Variants in LRRFIP1 observed in about 807,000 individuals in gnomAD.
The protein encoded by LRRFIP1 is LRR binding FLII interacting protein 1.
Under a neutral mutation model 104.4 loss-of-function variants are expected in LRRFIP1, and 62 were observed. The ratio of observed to expected loss-of-function variants is 0.59; its 90% CI spans 0.48 to 0.73. LRRFIP1 has a LOEUF of 0.73. Ranked by LOEUF, LRRFIP1 falls within the 30% of genes least tolerant of loss-of-function variation. The pLI is 0.00. For missense variants in LRRFIP1, 796 were observed against 824.5 expected (o/e 0.97, Z 0.42); for synonymous variants, 300 against 299.0 (o/e 1.00, Z -0.03).
chr2:237,738,418 C>A (rs1292997398), intron 10 of LRRFIP1, among the ~76,000 whole-genome samples: 3 of 152,176 alleles, frequency 2.0e-5, no homozygotes, highest in Admixed American at 1.3e-4. Context: ...AATGGAGGGG[C>A]CTTCAGCAGT....
At chr2:237,733,932 A>G in intron 9 of LRRFIP1, 114 bp downstream of exon 9, 1 of 1,125,816 alleles carries the variant, frequency 8.9e-7, no homozygotes, top group Middle Eastern at 2.1e-4. Flanking sequence ...GGGAAGTTGC[A>G]CCTTCACGTG....
intron 1 of LRRFIP1, among the ~76,000 whole-genome samples, chr2:237,700,263 C>T (rs75627395): frequency 1.3e-5 from 2 of 152,116 alleles, no homozygotes; most frequent in Admixed American, 1.3e-4. Flanking sequence ...CCTGGGTACA[C>T]CACGGCCCCT....
chr2:237,759,956 A>G, intron 18 of LRRFIP1, 108 bp from the exon 19 acceptor site: 2 of 948,412 alleles, frequency 2.1e-6, no homozygotes, highest in Non-Finnish European at 3.2e-6. Flanking sequence ...CTGTGGAGTT[A>G]CCCTGTACTT....
In LRRFIP1 at chr2:237,711,578, G is replaced by A. The variant is rs189410167; in HGVS notation, c.184-2681G>A. 6.6e-6 allele frequency among the ~76,000 whole-genome samples: 1 copy of A among 152,310 alleles called. No homozygotes were observed. Among genetic ancestry groups the A allele is most frequent in the African/African-American group, 2.4e-5 (1 of 41,576 alleles). On this transcript the variant is annotated intron_variant, in intron 2 of 23. Coordinates refer to ENST00000308482, the MANE Select transcript of LRRFIP1 (RefSeq NM_001137550.2). The surrounding 1 kb of genome is among the most constrained non-coding windows in gnomAD (Gnocchi z 4.4). The stretch of plus-strand genomic sequence containing the variant: ...CCGATGCCTGCACTTCTTCCCTCAC[G>A]ACCGTGGCTTGCGGCTGTGACACAG...
At chr2:237,718,759 T>C (rs1024359843) in intron 4 of LRRFIP1, among the ~76,000 whole-genome samples, 1 of 152,194 alleles carries the variant, frequency 6.6e-6, no homozygotes, top group Non-Finnish European at 1.5e-5. Flanking sequence ...TCTTACGTAC[T>C]GGGTATAAAA....
At chr2:237,733,860 C>G (rs1212617551) in intron 9 of LRRFIP1, 42 bp downstream of exon 9, 1 of 1,608,486 alleles carries the variant, frequency 6.2e-7, no homozygotes, top group African/African-American at 1.3e-5. Context: ...CCCCCTCCCA[C>G]TGTGCATGCA....
intron 1 of LRRFIP1, among the ~76,000 whole-genome samples, chr2:237,680,434 C>T (rs1328475157): frequency 3.9e-5 from 6 of 152,214 alleles, no homozygotes; most frequent in Non-Finnish European, 4.4e-5. Flanking sequence ...AGTCTAACAA[C>T]TATTTACATA....
At chr2:237,638,360 G>A (rs1252065689) in intron 1 of LRRFIP1, among the ~76,000 whole-genome samples, 2 of 152,186 alleles carry the variant, frequency 1.3e-5, no homozygotes, top group Non-Finnish European at 2.9e-5. Flanking sequence ...ACAAGAGGTG[G>A]AGCTCAAGTG....
chr2:237,714,606 G>A (rs576921210), intron 3 of LRRFIP1, among the ~76,000 whole-genome samples: 1 of 152,302 alleles, frequency 6.6e-6, no homozygotes, highest in Admixed American at 6.5e-5. Context: ...CTGAAATTAT[G>A]TATGGAAAGA....
chr2:237,771,551 T>TCCCCCCCCCCCCCCCC (rs772060776), intron 20 of LRRFIP1, among the ~76,000 whole-genome samples: 4 of 50,010 alleles, frequency 8.0e-5, no homozygotes, highest in Admixed American at 3.6e-4. Flanking sequence ...CTGGAACCAA[T>TCCCCCCCCCCCCCCCC]CCCCCCCCCC....
At chr2:237,632,353 G>A (rs933332253) in intron 1 of LRRFIP1, among the ~76,000 whole-genome samples, 2 of 152,160 alleles carry the variant, frequency 1.3e-5, no homozygotes, top group African/African-American at 4.8e-5. Flanking sequence ...TTCCTGCTCC[G>A]GAGCTCTCTG....
chr2:237,629,491 T>TA (rs1239019528), intron 1 of LRRFIP1, among the ~76,000 whole-genome samples: 2 of 119,418 alleles, frequency 1.7e-5, no homozygotes, highest in Non-Finnish European at 3.5e-5. Flanking sequence ...TTTTTTTTTT[T>TA]AACACAGTCT....
At chr2:237,657,315 C>T (rs1263821890) in intron 1 of LRRFIP1, among the ~76,000 whole-genome samples, 1 of 152,104 alleles carries the variant, frequency 6.6e-6, no homozygotes, top group Non-Finnish European at 1.5e-5. Context: ...AAGAGGAAAA[C>T]CTAAATAAAT....
chr2:237,692,578 CT>C, intron 1 of LRRFIP1: 1 of 1,457,154 alleles, frequency 6.9e-7, no homozygotes, highest in Non-Finnish European at 9.2e-7. Flanking sequence ...GTTTCAGGGG[CT>C]TCCAGCTCGT....
Position 237,749,320 on chromosome 2 carries a change from TC to T in LRRFIP1, c.792del (p.Lys265ArgfsTer6), listed in dbSNP as rs748970262. Reference protein sequence around the residue: ...SIDTEASIREIKELNELKDQI... With the variant: ...SIDTEASIREXKELNELKDQI... Reference sequence around the variant, plus strand: ...GACACCGAGGCATCCATCAGGGAAATCAAGGTGAGATGCTCTCTTCTTACTG... The same window carrying T: ...GACACCGAGGCATCCATCAGGGAAATAAGGTGAGATGCTCTCTTCTTACTG... On this transcript the variant is annotated frameshift_variant, in exon 13 of 24. Coordinates refer to ENST00000308482, the MANE Select transcript of LRRFIP1 (RefSeq NM_001137550.2). LOFTEE classifies it high-confidence loss of function. 6.2e-7 allele frequency: 1 copy of T among 1,613,392 alleles called. No individual in the cohort carries two copies. Among genetic ancestry groups the T allele is most frequent in the East Asian group, 2.2e-5 (1 of 44,862 alleles).
intron 11 of LRRFIP1, 117 bp downstream of exon 11, chr2:237,739,426 A>G: frequency 1.1e-6 from 1 of 917,988 alleles, no homozygotes; most frequent in Non-Finnish European, 1.6e-6. Flanking sequence ...TATTATTAGG[A>G]TTACATTGCT....
At chr2:237,765,760 T>C in intron 19 of LRRFIP1, 1 of 957,452 alleles carries the variant, frequency 1.0e-6, no homozygotes, top group Non-Finnish European at 1.2e-6. Context: ...CACAAAGGAA[T>C]GTACCTTATG....
At chr2:237,692,353 G>A (rs2092857056) in intron 1 of LRRFIP1, 2 of 1,272,732 alleles carry the variant, frequency 1.6e-6, no homozygotes, top group Non-Finnish European at 2.0e-6. Context: ...GAGTGGCTCC[G>A]TCTCCGCGGA....
chr2:237,710,630 T>C (rs1341607833), intron 2 of LRRFIP1, among the ~76,000 whole-genome samples: 2 of 152,212 alleles, frequency 1.3e-5, no homozygotes, highest in Non-Finnish European at 2.9e-5. Context: ...ATATAAGATA[T>C]AACCAATTAG....
Sources: allele counts gnomAD v4.1 joint callset (sites outside exome capture counted in the v4.1 genomes callset), GRCh38; gene constraint gnomAD v4.1.1; non-coding constraint Gnocchi (gnomAD v3.1); transcripts MANE v1.5; gene names NCBI Gene and HGNC (gene_info 2026-07-23, HGNC 2026-07-21).